The following GJC1 variants were observed in gnomAD, a reference collection of about 807,000 sequenced individuals.
The protein encoded by GJC1 is gap junction protein gamma 1.
GJC1 carries 5 observed loss-of-function variants against 29.3 expected under a neutral mutation model. That is an observed-to-expected ratio of 0.17 (90% CI 0.09 to 0.36). The LOEUF (loss-of-function observed/expected upper bound fraction) is 0.36, where lower values mean the gene tolerates loss of function less well. Among genes scored for constraint, GJC1 ranks in the 10% least tolerant of loss-of-function variants. GJC1 has a pLI of 1.00. For missense variants in GJC1, 310 were observed against 496.2 expected, an observed-to-expected ratio of 0.62 and a Z score of 3.56; for synonymous variants, 177 against 183.3, an observed-to-expected ratio of 0.97 and a Z score of 0.28.
chr17:44,823,453 T>C (rs1249816262), intron 1 of GJC1, among the ~76,000 whole-genome samples: 4 of 151,972 alleles, frequency 2.6e-5, no homozygotes, highest in Non-Finnish European at 5.9e-5. Flanking sequence ...GGTTTCACCA[T>C]GTTGGCCAGG....
At chr17:44,821,558 G>A (rs1316468355) in intron 1 of GJC1, among the ~76,000 whole-genome samples, 2 of 151,732 alleles carry the variant, frequency 1.3e-5, no homozygotes, top group African/African-American at 4.8e-5. Flanking sequence ...ATTAGCGGGC[G>A]TGGTGGCACA....
At chr17:44,822,385 TA>T (rs1658584292) in intron 1 of GJC1, among the ~76,000 whole-genome samples, 1 of 151,800 alleles carries the variant, frequency 6.6e-6, no homozygotes, top group Admixed American at 6.6e-5. Flanking sequence ...CTCATGCCTA[TA>T]ATCCCAGCAC....
chr17:44,808,630 C>A (rs1414968544), intron 1 of GJC1, among the ~76,000 whole-genome samples: 1 of 152,194 alleles, frequency 6.6e-6, no homozygotes, highest in South Asian at 2.1e-4. Flanking sequence ...AGCATGGTGA[C>A]GCACACCTGT....
chr17:44,805,649 G>A lies in GJC1; in HGVS notation c.169C>T (p.Gln57Ter). 1 of 1,614,196 alleles carries A rather than the reference G, an allele frequency of 6.2e-7. No homozygotes were observed. The highest frequency in any genetic ancestry group is 8.5e-7 in the Non-Finnish European group (1 of 1,180,026). The change falls in exon 3 of 3, where the codon CAG becomes TAG. Residue 57 changes from glutamine (Q) to a stop codon, truncating the protein, a stop_gained. Transcript: ENST00000592524. LOFTEE classifies it high-confidence loss of function. The surrounding 1 kb of genome is among the most constrained non-coding windows in gnomAD (Gnocchi z 5.1). The stretch of plus-strand genomic sequence containing the variant: ...TAACAGACATTCTCACAGCCCGGCT[G>A]TTCTGTGTTGCACACAAATTTGCTT... The part of the protein sequence containing the change: ...EQSKFVCNTE[Q>*]PGCENVCYDA...
downstream of GJC1, among the ~76,000 whole-genome samples, chr17:44,796,425 G>A (rs184920308): frequency 1.6e-3 from 237 of 152,232 alleles, no homozygotes; most frequent in African/African-American, 5.5e-3. Flanking sequence ...GATCCTCTAT[G>A]TAGGTCTCCC....
intron 2 of GJC1, among the ~76,000 whole-genome samples, chr17:44,806,044 C>T (rs1007928412): frequency 1.4e-4 from 21 of 152,036 alleles, no homozygotes; most frequent in African/African-American, 4.8e-4. Context: ...GAGGCCAAGG[C>T]GGGCAGATTA....
chr17:44,824,904 G>A lies in GJC1; in HGVS notation c.-97+5158C>T, dbSNP rs199539284. 4.5e-4 allele frequency among the ~76,000 whole-genome samples: 60 copies of A among 132,056 alleles called. 1 individual carries two copies. In the East Asian group the frequency reaches 0.011, roughly 24 times the overall value. 86.6% of individuals were successfully genotyped at this position (132,056 alleles called of 152,430 possible). ...TTTTTTTTTAATCAAGTGCTTATAT[G>A]TTTTGGGGAAGAAAAAAAAAAAAAA... On this transcript the variant is annotated intron_variant, in intron 1 of 2. Transcript: ENST00000592524.
chr17:44,795,326 C>T (rs1597733182), downstream of GJC1, among the ~76,000 whole-genome samples: 1 of 152,190 alleles, frequency 6.6e-6, no homozygotes, highest in Non-Finnish European at 1.5e-5. Context: ...CCTCCTGCCC[C>T]AGATTCAAAC....
At chr17:44,819,443 G>A (rs1166277123) in intron 1 of GJC1, among the ~76,000 whole-genome samples, 7 of 152,000 alleles carry the variant, frequency 4.6e-5, no homozygotes, top group Non-Finnish European at 1.0e-4. Context: ...TAGATCATGA[G>A]GTCAGGAGAT....
rs2049850623 is a variant in GJC1, at chr17:44,801,806, T to C, written c.*2821A>G. 6.6e-6 allele frequency: 1 copy of C among 152,190 alleles called. No homozygotes were observed. Among genetic ancestry groups the C allele is most frequent in the South Asian group, 2.1e-4 (1 of 4,834 alleles). 9.4% of individuals were successfully genotyped at this position (152,190 alleles called of 1,614,324 possible). The stretch of plus-strand genomic sequence containing the variant: ...TTTTAGTAGAGATGGAGTTTCACCA[T>C]GTTGACCAGTCTGGTCTTGAACTCC... On this transcript the variant is annotated 3_prime_UTR_variant, in exon 3 of 3. Coordinates refer to ENST00000592524, the MANE Select transcript of GJC1 (RefSeq NM_005497.4).
At chr17:44,809,944 C>T (rs2049956614) in intron 1 of GJC1, among the ~76,000 whole-genome samples, 2 of 151,424 alleles carry the variant, frequency 1.3e-5, no homozygotes, top group South Asian at 4.2e-4. Flanking sequence ...CTGCAAGCTC[C>T]GCCTCCCAGG....
At chr17:44,817,423 G>A (rs1161722617) in intron 1 of GJC1, among the ~76,000 whole-genome samples, 1 of 151,148 alleles carries the variant, frequency 6.6e-6, no homozygotes, top group African/African-American at 2.4e-5. Flanking sequence ...CAAAAGAAAA[G>A]CACAAGGCCA....
chr17:44,818,011 G>C (rs1037465541), intron 1 of GJC1, among the ~76,000 whole-genome samples: 1 of 151,948 alleles, frequency 6.6e-6, no homozygotes, highest in African/African-American at 2.4e-5. Context: ...TCAGGAGTTT[G>C]AGACCAGCCT....
chr17:44,816,736 C>T (rs972545423), intron 1 of GJC1, among the ~76,000 whole-genome samples: 3 of 151,922 alleles, frequency 2.0e-5, no homozygotes, highest in East Asian at 3.9e-4. Flanking sequence ...GAACTCCTGA[C>T]TTAACTGATC....
At chr17:44,813,982 A>G (rs190237916) in intron 1 of GJC1, among the ~76,000 whole-genome samples, 78 of 152,284 alleles carry the variant, frequency 5.1e-4, no homozygotes, top group African/African-American at 1.8e-3. Context: ...TACAGAGTAC[A>G]ATACTCCTCC....
Position 44,802,446 on chromosome 17 carries a change from A to T in GJC1, c.*2181T>A, listed in dbSNP as rs570580591. Reference sequence around the variant, plus strand: ...GTAGTTCTTTATCTTAGCTAGGCTTATGTATTCCAAATTTTGCCTGTTTTC... The same window carrying T: ...GTAGTTCTTTATCTTAGCTAGGCTTTTGTATTCCAAATTTTGCCTGTTTTC... On this transcript the variant is annotated 3_prime_UTR_variant, in exon 3 of 3. Coordinates refer to ENST00000592524, the MANE Select transcript of GJC1 (RefSeq NM_005497.4). The T allele has an allele frequency of 6.6e-6, 1 of 152,328 alleles. No homozygotes were observed. Among genetic ancestry groups the T allele is most frequent in the African/African-American group, 2.4e-5 (1 of 41,570 alleles). The allele number at this position is 152,328 out of a possible 1,614,324, so 9.4% of individuals were successfully genotyped here. A position where few individuals can be genotyped will look rare whatever the true frequency, so the allele number is the denominator to read the frequency against.
At position 44,803,532 on chromosome 17, in the gene GJC1, T is replaced by A. The variant is rs1597739494; in HGVS notation, c.*1095A>T. The A allele has an allele frequency of 6.6e-6, 1 of 152,220 alleles. No homozygotes were observed. The highest frequency in any genetic ancestry group is 6.5e-5 in the Admixed American group (1 of 15,278). 9.4% of individuals were successfully genotyped at this position (152,220 alleles called of 1,614,324 possible). A position where few individuals can be genotyped will look rare whatever the true frequency, so the allele number is the denominator to read the frequency against. ...TAAGAATTTAATCACAAAACTTCTATGGTAAATTATAAAAAATAAGAAATT... is the reference window on the plus strand; with the variant it reads ...TAAGAATTTAATCACAAAACTTCTAAGGTAAATTATAAAAAATAAGAAATT... On this transcript the variant is annotated 3_prime_UTR_variant, in exon 3 of 3. Coordinates refer to ENST00000592524, the MANE Select transcript of GJC1 (RefSeq NM_005497.4).
intron 1 of GJC1, among the ~76,000 whole-genome samples, chr17:44,809,021 G>A (rs1481597765): frequency 6.6e-6 from 1 of 152,110 alleles, no homozygotes; most frequent in Non-Finnish European, 1.5e-5. Flanking sequence ...TGGAGGTTGC[G>A]GTGAGCTGAG....
chr17:44,827,269 C>T (rs1312349251), intron 1 of GJC1, among the ~76,000 whole-genome samples: 1 of 151,738 alleles, frequency 6.6e-6, no homozygotes, highest in African/African-American at 2.4e-5. Flanking sequence ...AAGATAGCAC[C>T]GTTGCAGTGA....
Sources: gnomAD v4.1 joint callset for allele counts (sites outside exome capture counted in the v4.1 genomes callset) on GRCh38, gnomAD v4.1.1 for gene constraint, Gnocchi (gnomAD v3.1) non-coding constraint, MANE v1.5 for transcripts, NCBI Gene and HGNC (gene_info 2026-07-23, HGNC 2026-07-21) for gene names.